BMP1: variants seen among roughly 807,000 people sequenced by gnomAD.
BMP1 encodes bone morphogenetic protein 1.
A neutral mutation model predicts 116.8 loss-of-function variants in BMP1; 63 were observed. The observed-to-expected ratio is 0.54, with a 90% CI of 0.44 to 0.67. The LOEUF is 0.67. Ranked by LOEUF, BMP1 falls within the 30% of genes least tolerant of loss-of-function variation. The probability of loss-of-function intolerance (pLI) is 0.00; values close to 1 mark genes in which losing one functional copy is unlikely to be tolerated. For missense variants in BMP1, 1,183 were observed against 1,358.9 expected (o/e 0.87, Z 2.04); for synonymous variants, 536 against 533.4 (o/e 1.00, Z -0.07).
intron 19 of BMP1, 69 bp from the exon 20 acceptor site, chr8:22,211,525 T>C (rs1484415397): frequency 3.7e-6 from 6 of 1,601,204 alleles, no homozygotes; most frequent in African/African-American, 2.7e-5. Context: ...AAGCTGGGGA[T>C]CTTGGGGAGG....
Position 22,192,115 on chromosome 8 carries a change from G to A in BMP1, c.1144G>A (p.Val382Ile). 2 of 1,613,892 alleles carry A rather than the reference G, an allele frequency of 1.2e-6. No homozygotes were observed. The highest frequency in any genetic ancestry group is 1.7e-6 in the Non-Finnish European group (2 of 1,179,876). Residue 382 changes from valine to isoleucine, a missense_variant, in exon 9 of 20, where the codon GTC becomes ATC. This residue lies in a region of BMP1 where 956 missense variants were observed against 1,135.2 expected (regional missense o/e 0.84). Transcript: ENST00000306385. ...CCTGTGCTGGTACGACTATGTGGAG[G>A]TCCGAGATGGCTTCTGGAGGAAGGC... The part of the protein sequence containing the change: ...SRLCWYDYVE[V>I]RDGFWRKAPL...
intron 18 of BMP1, among the ~76,000 whole-genome samples, chr8:22,207,882 TTA>T: frequency 2.0e-5 from 3 of 152,156 alleles, no homozygotes; most frequent in African/African-American, 7.2e-5. Flanking sequence ...ATTTTTATTT[TTA>T]TTTATTTTTT....
chr8:22,194,452 C>T lies in BMP1; in HGVS notation c.1305C>T (p.Cys435=), dbSNP rs538422794. ...CATCCTGTGTCCCCACAGCCATCTG[C>T]GGGGGTGATGTGAAAAAGGACTATG... ...KGFFAVYEAI[C]GGDVKKDYGH... The change falls in exon 11 of 20, where the codon TGC becomes TGT. Residue 435 remains cysteine (C), a synonymous_variant. Coordinates refer to ENST00000306385, the MANE Select transcript of BMP1 (RefSeq NM_006129.5). The surrounding 1 kb of genome is among the most constrained non-coding windows in gnomAD (Gnocchi z 4.5). 43 of 1,614,040 alleles carry T rather than the reference C, an allele frequency of 2.7e-5. No homozygotes were observed. The Admixed American group carries it at 3.3e-4, about 13-fold the overall frequency.
chr8:22,180,198 A>T (rs1420448864), intron 7 of BMP1, among the ~76,000 whole-genome samples, 170 bp from the exon 8 acceptor site: 1 of 151,940 alleles, frequency 6.6e-6, no homozygotes, highest in Non-Finnish European at 1.5e-5. Flanking sequence ...CGTGTGCTAT[A>T]TGTGAGGTAG....
chr8:22,198,778 C>A (rs2131890889), intron 15 of BMP1: 1 of 287,022 alleles, frequency 3.5e-6, no homozygotes, highest in Non-Finnish European at 5.9e-6. Context: ...CACTGGCTCC[C>A]TGCTTGGCAC....
At chr8:22,183,014 G>T (rs1586447558) in intron 8 of BMP1, among the ~76,000 whole-genome samples, 2 of 152,184 alleles carry the variant, frequency 1.3e-5, no homozygotes, top group Admixed American at 6.5e-5. Context: ...TTCTTACGTG[G>T]ACAGATTTTT....
At chr8:22,209,781 T>C in intron 19 of BMP1, 86 bp downstream of exon 19, 1 of 1,455,218 alleles carries the variant, frequency 6.9e-7, no homozygotes, top group Non-Finnish European at 9.3e-7. Flanking sequence ...CTCCAAGACC[T>C]AGCGCCCACA....
In BMP1 at chr8:22,210,095, G is replaced by T. The variant is rs574633807; in HGVS notation, c.2826+400G>T. Among the ~76,000 whole-genome samples the T allele has an allele frequency of 2.6e-5, 4 of 152,386 alleles. No homozygotes were observed. The South Asian group carries it at 8.3e-4, about 32-fold the overall frequency. The stretch of plus-strand genomic sequence containing the variant: ...AGAGCCGGGGACAGGGCGCCTGAGC[G>T]GAGTGGCCCTCACCAGTCCTTTTGC... On this transcript the variant is annotated intron_variant, in intron 19 of 19. Coordinates refer to ENST00000306385, the MANE Select transcript of BMP1 (RefSeq NM_006129.5).
intron 15 of BMP1, among the ~76,000 whole-genome samples, chr8:22,197,923 G>T (rs770148756): frequency 6.6e-6 from 1 of 152,178 alleles, no homozygotes; most frequent in African/African-American, 2.4e-5. Context: ...GGTGGCTCAC[G>T]CCTGTAATCC....
At chr8:22,199,206 A>G in intron 15 of BMP1, 1 of 1,367,160 alleles carries the variant, frequency 7.3e-7, no homozygotes, top group Non-Finnish European at 9.8e-7. Context: ...GAGGACCCCC[A>G]CTGGGGGCAT....
At chr8:22,176,470 G>C in intron 3 of BMP1, 63 bp from the exon 4 acceptor site, 1 of 1,583,592 alleles carries the variant, frequency 6.3e-7, no homozygotes, top group Non-Finnish European at 8.7e-7. Flanking sequence ...TGACTCTTCA[G>C]TGGTGGGTAG....
Position 22,194,416 on chromosome 8 carries a change from C to A in BMP1, c.1298-29C>A. ...GGGCAAAGCATGCTGACTCACCACCCCTTCCCACCCCATCCTGTGTCCCCA... is the reference window on the plus strand; with the variant it reads ...GGGCAAAGCATGCTGACTCACCACCACTTCCCACCCCATCCTGTGTCCCCA... On this transcript the variant is annotated intron_variant, in intron 10 of 19. Coordinates refer to ENST00000306385, the MANE Select transcript of BMP1 (RefSeq NM_006129.5). This position sits in a 1 kb window ranked among gnomAD's most constrained non-coding sequence, Gnocchi z 4.5. The A allele has an allele frequency of 6.2e-7, 1 of 1,612,898 alleles. No homozygotes were observed. The highest frequency in any genetic ancestry group is 1.1e-5 in the South Asian group (1 of 90,898).
At chr8:22,175,957 A>G (rs985778290) in intron 2 of BMP1, among the ~76,000 whole-genome samples, 186 bp from the exon 3 acceptor site, 1 of 152,198 alleles carries the variant, frequency 6.6e-6, no homozygotes, top group African/African-American at 2.4e-5. Context: ...GAAATTTTTC[A>G]CTGCTCTGCA....
chr8:22,192,252 G>C, intron 9 of BMP1, 101 bp downstream of exon 9: 1 of 1,038,134 alleles, frequency 9.6e-7, no homozygotes. Flanking sequence ...CACTGGCCAG[G>C]GATGACAACC....
At chr8:22,167,277 C>G (rs112257211) in intron 1 of BMP1, among the ~76,000 whole-genome samples, 1 of 152,276 alleles carries the variant, frequency 6.6e-6, no homozygotes, top group Admixed American at 6.5e-5. Context: ...AGCTAGGACC[C>G]TGCCTTCAAG....
At chr8:22,181,117 CCA>C (rs1465248675) in intron 8 of BMP1, among the ~76,000 whole-genome samples, 1 of 152,240 alleles carries the variant, frequency 6.6e-6, no homozygotes, top group Non-Finnish European at 1.5e-5. Flanking sequence ...CCAGGACCCT[CCA>C]GTCTTTGCTC....
chr8:22,207,113 A>G (rs1450652428), intron 17 of BMP1, 132 bp downstream of exon 17: 1 of 1,454,922 alleles, frequency 6.9e-7, no homozygotes, highest in African/African-American at 1.4e-5. Context: ...TGGCCTGGAC[A>G]GAGGCCCCTT....
At chr8:22,175,239 A>T (rs1188078446) in intron 2 of BMP1, among the ~76,000 whole-genome samples, 1 of 152,226 alleles carries the variant, frequency 6.6e-6, no homozygotes, top group African/African-American at 2.4e-5. Context: ...ACACTTGTCC[A>T]CATGCCTTAG....
In BMP1 at chr8:22,194,769, G is replaced by C; in HGVS notation, c.1489G>C (p.Asp497His). The change falls in exon 12 of 20, where the codon GAC (aspartate) becomes CAC (histidine). Residue 497 changes from aspartate to histidine, a missense_variant. By Grantham distance (81) the Asp-to-His change is moderately conservative. Around this residue, in one of 4 missense-constraint regions of BMP1, gnomAD observed 956 missense variants for 1,135.2 expected, o/e 0.84. Transcript: ENST00000306385. The surrounding 1 kb of genome is among the most constrained non-coding windows in gnomAD (Gnocchi z 4.5). ...TGCCTACGACTATCTGGAGGTGCGC[G>C]ACGGGCACAGTGAGAGCAGCACCCT... ...SCAYDYLEVR[D>H]GHSESSTLIG... The C allele has an allele frequency of 1.9e-6, 3 of 1,613,438 alleles. No individual in the cohort carries two copies. The highest frequency in any genetic ancestry group is 2.5e-6 in the Non-Finnish European group (3 of 1,179,742).
Sources: allele counts gnomAD v4.1 joint callset (sites outside exome capture counted in the v4.1 genomes callset), GRCh38; gene constraint gnomAD v4.1.1; regional missense constraint gnomAD v4.1.1; non-coding constraint Gnocchi (gnomAD v3.1); transcripts MANE v1.5; gene names NCBI Gene and HGNC (gene_info 2026-07-23, HGNC 2026-07-21).